Variants in RALGAPA2 observed in about 807,000 individuals in gnomAD.
RALGAPA2 encodes ral GTPase-activating protein subunit alpha-2.
In RALGAPA2, 139 loss-of-function variants were observed where a neutral mutation model predicts 230.4. That is an observed-to-expected ratio of 0.60 (90% CI 0.53 to 0.69). RALGAPA2 has a LOEUF of 0.69. Ranked by LOEUF, RALGAPA2 falls within the 30% of genes least tolerant of loss-of-function variation. RALGAPA2 has a pLI of 0.00. For missense variants in RALGAPA2, 2,163 were observed against 2,276.0 expected (o/e 0.95, Z 1.01); for synonymous variants, 847 against 837.8 (o/e 1.01, Z -0.19).
Position 20,635,456 on chromosome 20 carries a change from T to C in RALGAPA2, c.967A>G (p.Thr323Ala). ...GGCAATACATCAACTCCATTTTTAG[T>C]GTTTTGTGTTGCAGTTAGATACTTT... ...EKKYLTATQN[T>A]KNGVDVLPKI... Residue 323 changes from threonine to alanine, a missense_variant, in exon 9 of 40, where the codon ACT becomes GCT. Physicochemically the swap from Thr to Ala is moderately conservative, Grantham distance 58 (BLOSUM62 0). Transcript: ENST00000202677. 1 of 1,602,280 alleles carries C rather than the reference T, an allele frequency of 6.2e-7. No individual in the cohort carries two copies. Among genetic ancestry groups the C allele is most frequent in the South Asian group, 1.1e-5 (1 of 88,314 alleles).
At chr20:20,416,184 A>G (rs2060161156) in intron 37 of RALGAPA2, among the ~76,000 whole-genome samples, 1 of 152,234 alleles carries the variant, frequency 6.6e-6, no homozygotes, top group Admixed American at 6.5e-5. Context: ...CCTGGGTTCC[A>G]GCACAAAAAG....
chr20:20,480,394 T>C (rs775334368), intron 36 of RALGAPA2, among the ~76,000 whole-genome samples: 66 of 152,220 alleles, frequency 4.3e-4, no homozygotes, highest in Non-Finnish European at 7.6e-4. Context: ...CTGAAAATCA[T>C]TCACCAAGCT....
chr20:20,687,957 C>G (rs2068765116), intron 1 of RALGAPA2, among the ~76,000 whole-genome samples: 1 of 152,156 alleles, frequency 6.6e-6, no homozygotes, highest in South Asian at 2.1e-4. Flanking sequence ...TTTCCTGACA[C>G]CAGCCAGTAT....
rs762668946 is a variant in RALGAPA2, at chr20:20,571,918, T to C, written c.2930A>G (p.Asp977Gly). The C allele has an allele frequency of 8.1e-6, 13 of 1,610,126 alleles. No homozygotes were observed. Among genetic ancestry groups the C allele is most frequent in the Admixed American group, 3.4e-5 (2 of 59,676 alleles). The stretch of plus-strand genomic sequence containing the variant: ...TGGAGGAGATGGAGAAGACTGGTTA[T>C]CCAGGCTTATTGCTAGATTATCCCG... ...KIRDNLAISLDNQSSPSPPVL... is the reference protein window; with the variant it reads ...KIRDNLAISLGNQSSPSPPVL... The change falls in exon 22 of 40, where the codon GAT becomes GGT. Residue 977 changes from aspartate (D) to glycine (G), a missense_variant. Transcript: ENST00000202677.
chr20:20,393,192 T>C lies in RALGAPA2; in HGVS notation c.*97A>G, dbSNP rs773097603. 2 of 1,348,750 alleles carry C rather than the reference T, an allele frequency of 1.5e-6. No individual in the cohort carries two copies. The highest frequency in any genetic ancestry group is 9.4e-5 in the East Asian group (2 of 21,170). 83.5% of individuals were successfully genotyped at this position (1,348,750 alleles called of 1,614,324 possible). The stretch of plus-strand genomic sequence containing the variant: ...CTCGGGGCAGAGGCAGGAGAGGGTG[T>C]TCTGTCTCCTCCTCACTCAGGGGCT... On this transcript the variant is annotated 3_prime_UTR_variant, in exon 40 of 40. Coordinates refer to ENST00000202677, the MANE Select transcript of RALGAPA2 (RefSeq NM_020343.4).
At chr20:20,691,022 T>C (rs2068885231) in intron 1 of RALGAPA2, among the ~76,000 whole-genome samples, 1 of 152,180 alleles carries the variant, frequency 6.6e-6, no homozygotes, top group African/African-American at 2.4e-5. Flanking sequence ...CCATTTCTAA[T>C]GAGGTTGTCC....
chr20:20,486,870 G>A (rs373927738), intron 36 of RALGAPA2, among the ~76,000 whole-genome samples: 27 of 152,126 alleles, frequency 1.8e-4, no homozygotes, highest in African/African-American at 5.5e-4. Context: ...GAGCCCATCC[G>A]GCATTCTTTG....
intron 27 of RALGAPA2, among the ~76,000 whole-genome samples, chr20:20,526,781 GTTA>G (rs756625687): frequency 3.9e-5 from 6 of 152,160 alleles, no homozygotes; most frequent in Non-Finnish European, 5.9e-5. Flanking sequence ...CAAGGTAGAT[GTTA>G]TTTTCATTTT....
intron 37 of RALGAPA2, among the ~76,000 whole-genome samples, chr20:20,415,884 C>G (rs1359637176): frequency 6.6e-6 from 1 of 152,184 alleles, no homozygotes; most frequent in Non-Finnish European, 1.5e-5. Context: ...GAATCTGAAC[C>G]TGTCCCCCAA....
At chr20:20,477,679 C>T (rs189743831) in intron 36 of RALGAPA2, among the ~76,000 whole-genome samples, 9 of 152,210 alleles carry the variant, frequency 5.9e-5, no homozygotes, top group Admixed American at 2.0e-4. Context: ...TCCGCCTCCC[C>T]GGTTCAAGCA....
At chr20:20,524,758 A>G in intron 29 of RALGAPA2, 72 bp downstream of exon 29, 1 of 1,387,846 alleles carries the variant, frequency 7.2e-7, no homozygotes, top group Non-Finnish European at 9.8e-7. Flanking sequence ...ACTAGTTGTA[A>G]CATTATTTAT....
rs749593186 is a variant in RALGAPA2 at position 20,653,451 on chromosome 20, G to A, written c.328+79C>T. 5.9e-4 allele frequency: 472 copies of A among 795,600 alleles called. 2 individuals are homozygous for A. Among genetic ancestry groups the A allele is most frequent in the Middle Eastern group, 1.9e-3 (8 of 4,174 alleles). 49.3% of individuals were successfully genotyped at this position (795,600 alleles called of 1,614,324 possible). Reference sequence around the variant, plus strand: ...ATTCCTTTCTATAAGCTATCTTGATGATATCAATTATATAAAACATTACTG... The same window carrying A: ...ATTCCTTTCTATAAGCTATCTTGATAATATCAATTATATAAAACATTACTG... On this transcript the variant is annotated intron_variant, in intron 4 of 39. Coordinates refer to ENST00000202677, the MANE Select transcript of RALGAPA2 (RefSeq NM_020343.4).
At chr20:20,401,823 T>C (rs534996074) in intron 38 of RALGAPA2, among the ~76,000 whole-genome samples, 1 of 152,350 alleles carries the variant, frequency 6.6e-6, no homozygotes, top group South Asian at 2.1e-4. Context: ...TTCCTATATG[T>C]GAATTATTTC....
chr20:20,564,940 G>A lies in RALGAPA2; in HGVS notation c.3156+6518C>T, dbSNP rs116179008. Among the ~76,000 whole-genome samples the A allele has an allele frequency of 5.3e-3, 806 of 152,202 alleles. 6 individuals are homozygous for A. Among genetic ancestry groups the A allele is most frequent in the African/African-American group, 0.019 (769 of 41,512 alleles). ...ATAAACCTATAGTTTTTTTTAAACT[G>A]TTTTTAAATGAAGCTTTAACAAAGT... On this transcript the variant is annotated intron_variant, in intron 23 of 39. Transcript: ENST00000202677.
chr20:20,545,075 T>C (rs1043321972), intron 24 of RALGAPA2, among the ~76,000 whole-genome samples: 8 of 152,194 alleles, frequency 5.3e-5, no homozygotes, highest in Non-Finnish European at 8.8e-5. Flanking sequence ...TATCTTGTAA[T>C]TTTTTTGAAA....
rs970900025 is a variant in RALGAPA2, at chr20:20,712,057, G to T, written c.106+318C>A. Among the ~76,000 whole-genome samples, 16 of 152,234 alleles carry T rather than the reference G, an allele frequency of 1.1e-4. No homozygotes were observed. The highest frequency in any genetic ancestry group is 3.6e-4 in the African/African-American group (15 of 41,534). On this transcript the variant is annotated intron_variant, in intron 1 of 39. Coordinates refer to ENST00000202677, the MANE Select transcript of RALGAPA2 (RefSeq NM_020343.4). The surrounding 1 kb of genome is among the most constrained non-coding windows in gnomAD (Gnocchi z 5.5). ...AATGTGTGCACGTGATGACCACTTGGGATCCAGTTCACTTGCTGGGAGGAC... is the reference window on the plus strand; with the variant it reads ...AATGTGTGCACGTGATGACCACTTGTGATCCAGTTCACTTGCTGGGAGGAC...
At chr20:20,406,258 T>C (rs1024896732) in intron 38 of RALGAPA2, among the ~76,000 whole-genome samples, 2 of 152,286 alleles carry the variant, frequency 1.3e-5, no homozygotes, top group South Asian at 4.1e-4. Context: ...TCGGTATCTT[T>C]ACAGCTTCAC....
At chr20:20,502,006 C>T (rs973151847) in intron 35 of RALGAPA2, among the ~76,000 whole-genome samples, 2 of 152,032 alleles carry the variant, frequency 1.3e-5, no homozygotes, top group Admixed American at 1.3e-4. Flanking sequence ...ATTACGATAG[C>T]AACATCAAAG....
intron 37 of RALGAPA2, among the ~76,000 whole-genome samples, chr20:20,469,678 C>T (rs1280336449): frequency 1.3e-5 from 2 of 152,154 alleles, no homozygotes; most frequent in African/African-American, 4.8e-5. Flanking sequence ...TTCCCTGAAA[C>T]AAGTTATTTG....
Sources: gnomAD v4.1 joint callset for allele counts (sites outside exome capture counted in the v4.1 genomes callset) on GRCh38, gnomAD v4.1.1 for gene constraint, Gnocchi (gnomAD v3.1) non-coding constraint, MANE v1.5 for transcripts, NCBI Gene and HGNC (gene_info 2026-07-23, HGNC 2026-07-21) for gene names.